The following CCPG1 variants were observed in gnomAD, a reference collection of about 807,000 sequenced individuals.
CCPG1 encodes the protein cell cycle progression 1.
In CCPG1, 46 loss-of-function variants were observed where a neutral mutation model predicts 81.3. The ratio of observed to expected loss-of-function variants is 0.57; its 90% CI spans 0.45 to 0.72. CCPG1 has a LOEUF of 0.72. CCPG1 is among the 30% of genes least tolerant of loss of function. The probability of loss-of-function intolerance (pLI) is 0.00; values close to 1 mark genes in which losing one functional copy is unlikely to be tolerated. For synonymous variants in CCPG1, 330 were observed against 305.2 expected (o/e 1.08, Z -0.85); for missense variants, 902 against 937.6 (o/e 0.96, Z 0.50).
chr15:55,386,813 C>A (rs370010480), intron 2 of CCPG1, among the ~76,000 whole-genome samples: 2 of 151,378 alleles, frequency 1.3e-5, no homozygotes, highest in Non-Finnish European at 1.5e-5. Flanking sequence ...AGGAGAATGG[C>A]GTGAACCGAT....
chr15:55,395,713 A>T (rs1481328041), intron 1 of CCPG1, among the ~76,000 whole-genome samples: 1 of 152,092 alleles, frequency 6.6e-6, no homozygotes, highest in Non-Finnish European at 1.5e-5. Flanking sequence ...CTGGCACTTA[A>T]TATAGAATAT....
chr15:55,378,396 A>G lies in CCPG1; in HGVS notation c.176-20T>C. The G allele has an allele frequency of 1.3e-6, 2 of 1,501,598 alleles. No homozygotes were observed. The highest frequency in any genetic ancestry group is 1.8e-6 in the Non-Finnish European group (2 of 1,086,586). 93.0% of individuals were successfully genotyped at this position (1,501,598 alleles called of 1,614,324 possible). A position where few individuals can be genotyped will look rare whatever the true frequency, so the allele number is the denominator to read the frequency against. ...TGCTTTCTGATATAAAGCAAAGATC[A>G]ATATAATTATTTCTTAATTTAAAAC... On this transcript the variant is annotated intron_variant, in intron 3 of 8. Coordinates refer to ENST00000442196, the MANE Select transcript of CCPG1 (RefSeq NM_001204450.2).
chr15:55,356,035 A>G lies in CCPG1; in HGVS notation c.*185T>C. ...AAAAAATTCAACGAAGCTAAACTAC[A>G]GGAAAATGCAGGTTAGTAGACTTTT... is the stretch of plus-strand genomic sequence containing the variant. On this transcript the variant is annotated 3_prime_UTR_variant, in exon 9 of 9. Coordinates refer to ENST00000442196, the MANE Select transcript of CCPG1 (RefSeq NM_001204450.2). The G allele has an allele frequency of 1.8e-6, 1 of 541,564 alleles. No individual in the cohort carries two copies. Among genetic ancestry groups the G allele is most frequent in the Non-Finnish European group, 3.1e-6 (1 of 318,432 alleles). 33.5% of individuals were successfully genotyped at this position (541,564 alleles called of 1,614,324 possible).
intron 3 of CCPG1, among the ~76,000 whole-genome samples, chr15:55,381,116 A>C (rs528871977): frequency 6.6e-6 from 1 of 151,682 alleles, no homozygotes; most frequent in African/African-American, 2.4e-5. Context: ...CAGCCTGGGC[A>C]ACAGAGCAAG....
At chr15:55,395,789 T>A (rs1035497705) in intron 1 of CCPG1, among the ~76,000 whole-genome samples, 3 of 152,130 alleles carry the variant, frequency 2.0e-5, no homozygotes, top group African/African-American at 7.2e-5. Context: ...GAATGCTAAA[T>A]ACATATTAAG....
chr15:55,407,046 C>A (rs12900164), intron 1 of CCPG1, among the ~76,000 whole-genome samples: 63,758 of 136,280 alleles, frequency 0.47, 16,567 homozygotes, highest in East Asian at 0.76. Flanking sequence ...GACCCCCCCC[C>A]CCGCCCCGCC....
intron 1 of CCPG1, among the ~76,000 whole-genome samples, chr15:55,406,216 C>CAT (rs2057216460): frequency 1.5e-5 from 2 of 137,034 alleles, no homozygotes; most frequent in South Asian, 2.3e-4. Flanking sequence ...GGAATTGCTG[C>CAT]TTTTTTTTTT....
chr15:55,387,847 T>A (rs981772673), intron 2 of CCPG1, among the ~76,000 whole-genome samples: 2 of 140,514 alleles, frequency 1.4e-5, no homozygotes, highest in Admixed American at 1.4e-4. Flanking sequence ...GCCCGGCCTA[T>A]AATTTTTATT....
At chr15:55,400,441 G>A (rs566919062) in intron 1 of CCPG1, among the ~76,000 whole-genome samples, 1 of 151,966 alleles carries the variant, frequency 6.6e-6, no homozygotes, top group East Asian at 1.9e-4. Context: ...CCAGGAGGTG[G>A]GGGTTGCAGT....
intron 1 of CCPG1, among the ~76,000 whole-genome samples, chr15:55,401,961 T>C (rs1013556132): frequency 2.6e-5 from 4 of 152,196 alleles, no homozygotes; most frequent in Admixed American, 2.0e-4. Flanking sequence ...CCTAACTCCA[T>C]GTCTTCACTT....
intron 6 of CCPG1, among the ~76,000 whole-genome samples, chr15:55,368,578 A>G (rs2056380276): frequency 6.6e-6 from 1 of 152,216 alleles, no homozygotes; most frequent in Non-Finnish European, 1.5e-5. Flanking sequence ...TCCATTGATG[A>G]TTTGGAATGT....
intron 3 of CCPG1, among the ~76,000 whole-genome samples, chr15:55,384,194 G>C (rs919685070): frequency 3.9e-5 from 6 of 152,164 alleles, no homozygotes; most frequent in African/African-American, 1.4e-4. Flanking sequence ...GAGAGGGAGA[G>C]AGATGGGGGA....
chr15:55,360,894 C>T lies in CCPG1; in HGVS notation c.879G>A (p.Lys293=), dbSNP rs552611973. 33 of 1,594,438 alleles carry T rather than the reference C, an allele frequency of 2.1e-5. No homozygotes were observed. The South Asian group carries it at 3.3e-4, about 16-fold the overall frequency. The change falls in exon 8 of 9, where the codon AAG becomes AAA. Residue 293 remains lysine, a synonymous_variant. Coordinates refer to ENST00000442196, the MANE Select transcript of CCPG1 (RefSeq NM_001204450.2). ...TCGTTTTCTGAGTTTCAAAGGACAT[C>T]TTCTCTGCTTCAGTAAGTGTCCAAC... is the stretch of plus-strand genomic sequence containing the variant. The part of the protein sequence containing the change: ...ARCWTLTEAE[K]MSFETQKTNL...
intron 2 of CCPG1, among the ~76,000 whole-genome samples, chr15:55,386,429 TAA>T (rs2056800419): frequency 6.6e-6 from 1 of 152,216 alleles, no homozygotes; most frequent in African/African-American, 2.4e-5. Context: ...TTTTCATTAA[TAA>T]TAGCGGATCA....
Position 55,385,677 on chromosome 15 carries a change from G to C in CCPG1, c.98C>G (p.Thr33Ser), listed in dbSNP as rs181640191. 1 of 1,611,694 alleles carries C rather than the reference G, an allele frequency of 6.2e-7. No individual in the cohort carries two copies. Among genetic ancestry groups the C allele is most frequent in the Non-Finnish European group, 8.5e-7 (1 of 1,177,954 alleles). ...TTCTGGGGCGGGCTCACAGCTGTCA[G>C]TGGGGGTCACAGAATTCAACATTTC... The part of the protein sequence containing the change: ...DIEMLNSVTP[T>S]DSCEPAPECS... Residue 33 changes from threonine (T) to serine (S), a missense_variant, in exon 3 of 9, where the codon ACT becomes AGT. This residue lies in a region of CCPG1 where 28 missense variants were observed against 47.8 expected (regional missense o/e 0.59). Coordinates refer to ENST00000442196, the MANE Select transcript of CCPG1 (RefSeq NM_001204450.2).
chr15:55,398,613 C>T (rs759458686), intron 1 of CCPG1, among the ~76,000 whole-genome samples: 1 of 151,654 alleles, frequency 6.6e-6, no homozygotes. Context: ...GACAGAGTCT[C>T]ACTCTGTCTC....
intron 1 of CCPG1, among the ~76,000 whole-genome samples, chr15:55,406,714 C>T (rs912115748): frequency 6.6e-6 from 1 of 151,790 alleles, no homozygotes; most frequent in Admixed American, 6.6e-5. Flanking sequence ...GGATTACAAG[C>T]CTGAGCCACC....
chr15:55,359,299 A>G, intron 8 of CCPG1: 1 of 1,195,806 alleles, frequency 8.4e-7, no homozygotes, highest in South Asian at 3.9e-5. Flanking sequence ...ACTGATTTTT[A>G]AGATAAAAAT....
At chr15:55,385,748 C>T in intron 2 of CCPG1, 34 bp from the exon 3 acceptor site, 1 of 1,129,910 alleles carries the variant, frequency 8.9e-7, no homozygotes, top group East Asian at 2.4e-5. Context: ...AGTTATTTGC[C>T]TATTAGCTCC....
Sources: gnomAD v4.1 joint callset for allele counts (sites outside exome capture counted in the v4.1 genomes callset) on GRCh38, gnomAD v4.1.1 for gene constraint, gnomAD v4.1.1 regional missense constraint, MANE v1.5 for transcripts, NCBI Gene and HGNC (gene_info 2026-07-23, HGNC 2026-07-21) for gene names.